The following SH3GL2 variants were observed in gnomAD, a reference collection of about 807,000 sequenced individuals.
The protein encoded by SH3GL2 is SH3 domain containing GRB2 like 2, endophilin A1.
In SH3GL2, 24 loss-of-function variants were observed where a neutral mutation model predicts 46.0. The observed-to-expected ratio is 0.52, with a 90% confidence interval of 0.38 to 0.73. SH3GL2 has a LOEUF of 0.73. Among genes scored for constraint, SH3GL2 ranks in the 30% least tolerant of loss-of-function variants. The probability of loss-of-function intolerance (pLI) is 0.00; values close to 1 mark genes in which losing one functional copy is unlikely to be tolerated. For missense variants in SH3GL2, 413 were observed against 424.2 expected (o/e 0.97, Z 0.23); for synonymous variants, 196 against 147.1 (o/e 1.33, Z -2.40).
rs561329781 is a variant in SH3GL2 at position 17,616,878 on chromosome 9, T to C, written c.45+37591T>C. ...TTCTGAATAGATAATACAGTCAGCG[T>C]AGTATAAAAGGTTAGACAGTGATGT... On this transcript the variant is annotated intron_variant, in intron 1 of 8. Transcript: ENST00000380607. Among the ~76,000 whole-genome samples the C allele has an allele frequency of 1.5e-3, 226 of 152,286 alleles. 1 individual carries two copies. Among genetic ancestry groups the C allele is most frequent in the African/African-American group, 5.3e-3 (221 of 41,560 alleles).
chr9:17,709,620 T>C (rs1449504705), intron 1 of SH3GL2, among the ~76,000 whole-genome samples: 1 of 151,116 alleles, frequency 6.6e-6, no homozygotes, highest in Non-Finnish European at 1.5e-5. Context: ...AAAACGTTTC[T>C]CATTATATTA....
intron 1 of SH3GL2, among the ~76,000 whole-genome samples, chr9:17,710,223 C>A (rs1432358743): frequency 4.6e-5 from 7 of 151,974 alleles, no homozygotes; most frequent in Non-Finnish European, 8.8e-5. Context: ...TGCATTTCTT[C>A]TTGCTGCTGC....
chr9:17,611,589 C>T (rs1160988158), intron 1 of SH3GL2, among the ~76,000 whole-genome samples: 2 of 152,144 alleles, frequency 1.3e-5, no homozygotes, highest in Non-Finnish European at 2.9e-5. Context: ...AACTGAGGCT[C>T]CCTGTTACTG....
intron 1 of SH3GL2, among the ~76,000 whole-genome samples, chr9:17,591,832 A>G (rs4961575): frequency 0.62 from 94,982 of 152,034 alleles, 32,012 homozygotes; most frequent in Non-Finnish European, 0.75. Context: ...GAACGTAGGC[A>G]TTTTCTGTAG....
At position 17,789,462 on chromosome 9, in the gene SH3GL2, C is replaced by T. The variant is rs1436198291; in HGVS notation, c.536C>T (p.Pro179Leu). The change falls in exon 6 of 9, where the codon CCG becomes CTG. Residue 179 changes from proline (P) to leucine (L), a missense_variant. Physicochemically the swap from Pro to Leu is moderately conservative, Grantham distance 98. Around this residue, in one of 3 missense-constraint regions of SH3GL2, gnomAD observed 248 missense variants for 215.0 expected, o/e 1.15. Transcript: ENST00000380607. Reference sequence around the variant, plus strand: ...AAGAAGAAACGACAAGGCAAGATTCCGGATGAAGAGCTTCGTCAAGCTCTA... The same window carrying T: ...AAGAAGAAACGACAAGGCAAGATTCTGGATGAAGAGCTTCGTCAAGCTCTA... ...DYKKKRQGKI[P>L]DEELRQALEK... 25 of 1,613,188 alleles carry T rather than the reference C, an allele frequency of 1.5e-5. No individual in the cohort carries two copies. The highest frequency in any genetic ancestry group is 1.9e-5 in the Non-Finnish European group (22 of 1,179,520).
chr9:17,783,115 G>T (rs755948773), intron 3 of SH3GL2, among the ~76,000 whole-genome samples: 2 of 152,100 alleles, frequency 1.3e-5, no homozygotes, highest in Non-Finnish European at 2.9e-5. Context: ...TGTGTTGTCT[G>T]TGCTGGTTTT....
chr9:17,691,255 C>G lies in SH3GL2; in HGVS notation c.46-55811C>G, dbSNP rs374644029. Reference sequence around the variant, plus strand: ...AGCTTTTTCCAGTTTTCTTCTTTCTCTTTGAGACATAAATTGGTCTTTTAA... The same window carrying G: ...AGCTTTTTCCAGTTTTCTTCTTTCTGTTTGAGACATAAATTGGTCTTTTAA... On this transcript the variant is annotated intron_variant, in intron 1 of 8. Transcript: ENST00000380607. Among the ~76,000 whole-genome samples, 47 of 152,174 alleles carry G rather than the reference C, an allele frequency of 3.1e-4. 1 individual carries two copies. The East Asian group carries it at 6.0e-3, about 19-fold the overall frequency.
chr9:17,584,657 T>A (rs1257944368), intron 1 of SH3GL2, among the ~76,000 whole-genome samples: 1 of 152,196 alleles, frequency 6.6e-6, no homozygotes, highest in Non-Finnish European at 1.5e-5. Flanking sequence ...GTAAAAAACC[T>A]TTCCAGAGGT....
At chr9:17,734,790 T>G (rs10963234) in intron 1 of SH3GL2, among the ~76,000 whole-genome samples, 40,643 of 151,938 alleles carry the variant, frequency 0.27, 6,368 homozygotes, top group East Asian at 0.5. Flanking sequence ...GTTACCAAGG[T>G]TGGAATGGAG....
intron 1 of SH3GL2, among the ~76,000 whole-genome samples, chr9:17,663,940 A>G (rs1002908265): frequency 6.6e-6 from 1 of 152,184 alleles, no homozygotes; most frequent in African/African-American, 2.4e-5. Context: ...ACACTTCTCT[A>G]GTCTCCATTT....
At chr9:17,583,712 G>A (rs1440633673) in intron 1 of SH3GL2, among the ~76,000 whole-genome samples, 2 of 152,048 alleles carry the variant, frequency 1.3e-5, no homozygotes, top group Non-Finnish European at 2.9e-5. Flanking sequence ...TCTGGTATAT[G>A]TTTATTTGTC....
At chr9:17,715,782 C>G (rs1276154487) in intron 1 of SH3GL2, among the ~76,000 whole-genome samples, 2 of 151,940 alleles carry the variant, frequency 1.3e-5, no homozygotes, top group Non-Finnish European at 2.9e-5. Context: ...TTTCATACAC[C>G]TAATATACCA....
At position 17,698,911 on chromosome 9, in the gene SH3GL2, C is replaced by G. The variant is rs188687648; in HGVS notation, c.46-48155C>G. 2.4e-4 allele frequency among the ~76,000 whole-genome samples: 36 copies of G among 152,202 alleles called. 1 individual carries two copies. The East Asian group carries it at 6.6e-3, about 28-fold the overall frequency. The stretch of plus-strand genomic sequence containing the variant: ...ATGGCTCATGCCTGTAATCCCAGCT[C>G]TTTGGGAGGCCAAGGCGGGTGGCTC... On this transcript the variant is annotated intron_variant, in intron 1 of 8. Coordinates refer to ENST00000380607, the MANE Select transcript of SH3GL2 (RefSeq NM_003026.5).
At chr9:17,583,196 A>G (rs575008242) in intron 1 of SH3GL2, among the ~76,000 whole-genome samples, 13 of 152,298 alleles carry the variant, frequency 8.5e-5, no homozygotes, top group African/African-American at 2.6e-4. Flanking sequence ...TAAATAACAT[A>G]TAACTTTCTA....
chr9:17,637,576 C>T (rs1176123766), intron 1 of SH3GL2, among the ~76,000 whole-genome samples: 1 of 152,180 alleles, frequency 6.6e-6, no homozygotes. Flanking sequence ...GAAATAGTGG[C>T]AACAACATTA....
At chr9:17,695,373 C>T (rs1379754580) in intron 1 of SH3GL2, among the ~76,000 whole-genome samples, 2 of 152,126 alleles carry the variant, frequency 1.3e-5, no homozygotes, top group African/African-American at 2.4e-5. Flanking sequence ...CTGAGGTTGT[C>T]AGCAAATATT....
intron 1 of SH3GL2, among the ~76,000 whole-genome samples, chr9:17,715,740 A>T (rs996373933): frequency 1.5e-5 from 2 of 133,032 alleles, no homozygotes; most frequent in African/African-American, 2.5e-5. Context: ...TAAACCTATC[A>T]TAAGTTGAAA....
chr9:17,582,725 C>G (rs1053835737), intron 1 of SH3GL2, among the ~76,000 whole-genome samples: 1 of 152,234 alleles, frequency 6.6e-6, no homozygotes, highest in East Asian at 1.9e-4. Context: ...CTTCTTGAGA[C>G]AAGCACACTT....
chr9:17,635,299 C>T (rs1819517379), intron 1 of SH3GL2, among the ~76,000 whole-genome samples: 1 of 152,112 alleles, frequency 6.6e-6, no homozygotes, highest in Admixed American at 6.6e-5. Flanking sequence ...CATCCATGTC[C>T]CTGCAAAGGA....
Sources: allele counts gnomAD v4.1 joint callset (sites outside exome capture counted in the v4.1 genomes callset), GRCh38; gene constraint gnomAD v4.1.1; regional missense constraint gnomAD v4.1.1; transcripts MANE v1.5; gene names NCBI Gene and HGNC (gene_info 2026-07-23, HGNC 2026-07-21).